FASN: variants seen among roughly 807,000 people sequenced by gnomAD.
The protein encoded by FASN is fatty acid synthase.
Under a neutral mutation model 250.0 loss-of-function variants are expected in FASN, and 50 were observed. The ratio of observed to expected loss-of-function variants is 0.20; its 90% CI spans 0.16 to 0.25. The LOEUF is 0.25. Among genes scored for constraint, FASN ranks in the 10% least tolerant of loss-of-function variants. The pLI is 1.00. For synonymous variants in FASN, 1,909 were observed against 1,584.0 expected (o/e 1.21, Z -4.87); for missense variants, 3,031 against 3,498.5 (o/e 0.87, Z 3.37).
chr17:82,092,139 C>A (rs1598582864), intron 8 of FASN, among the ~76,000 whole-genome samples: 2 of 152,138 alleles, frequency 1.3e-5, no homozygotes, highest in South Asian at 2.1e-4. Flanking sequence ...CCTGATGGTG[C>A]CGTGGACCCC....
Position 82,087,781 on chromosome 17 carries a change from G to C in FASN, c.2947C>G (p.Leu983Val). 1 of 1,612,638 alleles carries C rather than the reference G, an allele frequency of 6.2e-7. No individual in the cohort carries two copies. ...ESPTPNPTEP[L>V]FLAQAEVYKE... is the part of the protein sequence containing the mutation. The stretch of plus-strand genomic sequence containing the variant: ...TAAACTTCAGCCTGGGCCAGGAAGA[G>C]GGGCTCCGTGGGGTTGGGGGTGGGG... The change falls in exon 19 of 43, where the codon CTC (leucine) becomes GTC (valine). Residue 983 changes from leucine (L) to valine (V), a missense_variant. By Grantham distance (32) the Leu-to-Val change is conservative. Coordinates refer to ENST00000306749, the MANE Select transcript of FASN (RefSeq NM_004104.5).
At position 82,079,389 on chromosome 17, in the gene FASN, C is replaced by G; in HGVS notation, c.7366G>C (p.Glu2456Gln). The change falls in exon 42 of 43, where the codon GAG becomes CAG. Residue 2456 changes from glutamate to glutamine, a missense_variant. Physicochemically the swap from Glu to Gln is conservative, Grantham distance 29. Transcript: ENST00000306749. ...LRAKTGGAYGEDLGADYNLSQ... is the reference protein window; with the variant it reads ...LRAKTGGAYGQDLGADYNLSQ... ...AGGTTGTAGTCCGCGCCCAGGTCCT[C>G]GCCGTAGGCGCCACCCGTCTTGGCG... The G allele has an allele frequency of 6.2e-7, 1 of 1,613,004 alleles. No individual in the cohort carries two copies. The highest frequency in any genetic ancestry group is 8.5e-7 in the Non-Finnish European group (1 of 1,179,998).
rs1392240659 is a variant in FASN at position 82,090,960 on chromosome 17, C to T, written c.1602G>A (p.Val534=). The change falls in exon 10 of 43, where the codon GTG becomes GTA. Residue 534 remains valine, a synonymous_variant. Transcript: ENST00000306749. ...DEAVKPFGLK[V]SQLLLSTDES... ...CGTCTGTGCTCAGCAGCAGCTGTGA[C>T]ACCTTCAGGCCGAATGGCTTCACAG... 6.2e-7 allele frequency: 1 copy of T among 1,612,908 alleles called. No individual in the cohort carries two copies. The highest frequency in any genetic ancestry group is 8.5e-7 in the Non-Finnish European group (1 of 1,179,966).
In FASN at chr17:82,081,300, G is replaced by C; in HGVS notation, c.6459C>G (p.Gly2153=). Residue 2153 remains glycine, a synonymous_variant, in exon 38 of 43, where the codon GGC becomes GGG. Transcript: ENST00000306749. ...VNLDSSLADL[G]LDSLMSVEVR... is the part of the protein sequence containing the mutation. ...CCTCCACGCTCATGAGCGAGTCCAG[G>C]CCCAGGTCCGCCAGTGAGCTGTCCA... The C allele has an allele frequency of 6.4e-7, 1 of 1,557,820 alleles. No homozygotes were observed. The highest frequency in any genetic ancestry group is 8.7e-7 in the Non-Finnish European group (1 of 1,150,912).
chr17:82,093,891 G>A (rs927223264), intron 3 of FASN, 120 bp from the exon 4 acceptor site: 4 of 1,055,864 alleles, frequency 3.8e-6, no homozygotes, highest in Admixed American at 2.0e-5. Flanking sequence ...GTGAGGGGGG[G>A]TCCATCCCAG....
intron 10 of FASN, 94 bp downstream of exon 10, chr17:82,090,788 G>C: frequency 6.9e-7 from 1 of 1,443,918 alleles, no homozygotes; most frequent in Non-Finnish European, 9.5e-7. Context: ...GGGGCTGTCA[G>C]GGGCCCCGGA....
chr17:82,097,941 G>C (rs1254376510), intron 1 of FASN, among the ~76,000 whole-genome samples, 180 bp downstream of exon 1: 1 of 152,014 alleles, frequency 6.6e-6, no homozygotes, highest in Non-Finnish European at 1.5e-5. Flanking sequence ...GCGGGGCCCC[G>C]GGCGCCTCCG....
chr17:82,080,808 A>C lies in FASN; in HGVS notation c.6710T>G (p.Val2237Gly). ...GAACAGGGGCCGCTCCGAGCTCTGC[A>C]CGGAGTTGAGCCGCATCAGGGTGGG... is the stretch of plus-strand genomic sequence containing the variant. Reference protein sequence around the residue: ...EGPTLMRLNSVQSSERPLFLV... With the variant: ...EGPTLMRLNSGQSSERPLFLV... Residue 2237 changes from valine (V) to glycine (G), a missense_variant, in exon 39 of 43, where the codon GTG becomes GGG. Coordinates refer to ENST00000306749, the MANE Select transcript of FASN (RefSeq NM_004104.5). 3.1e-6 allele frequency: 5 copies of C among 1,608,714 alleles called. No homozygotes were observed. The highest frequency in any genetic ancestry group is 4.2e-6 in the Non-Finnish European group (5 of 1,178,576).
Position 82,087,289 on chromosome 17 carries a change from G to C in FASN, c.3223+36C>G, listed in dbSNP as rs544033659. On this transcript the variant is annotated intron_variant, in intron 20 of 42. Coordinates refer to ENST00000306749, the MANE Select transcript of FASN (RefSeq NM_004104.5). ...AGGCTGGGTGAGTGCGGCATACTTG[G>C]GTGGGGGCACTGGGCTGGGGCTGGG... 1.1e-5 allele frequency: 18 copies of C among 1,606,126 alleles called. No homozygotes were observed. The South Asian group carries it at 1.8e-4, about 16-fold the overall frequency.
At chr17:82,096,886 G>A (rs1023203710) in intron 1 of FASN, 2 of 293,634 alleles carry the variant, frequency 6.8e-6, no homozygotes, top group East Asian at 8.9e-5. Flanking sequence ...CCTGAGATGG[G>A]GACAAGGCCT....
In FASN at chr17:82,078,798, C is replaced by T; in HGVS notation, c.*345G>A. On this transcript the variant is annotated 3_prime_UTR_variant, in exon 43 of 43. Transcript: ENST00000306749. This position sits in a 1 kb window ranked among gnomAD's most constrained non-coding sequence, Gnocchi z 5.4. ...TGGCAGGGTGGACAGGCCTGGGGGT[C>T]TCTACCAGCAATGCAATAAATATGC... 2.5e-6 allele frequency: 1 copy of T among 393,960 alleles called. No individual in the cohort carries two copies. The highest frequency in any genetic ancestry group is 5.9e-5 in the East Asian group (1 of 16,948). 24.4% of individuals were successfully genotyped at this position (393,960 alleles called of 1,614,324 possible).
intron 42 of FASN, 26 bp from the exon 43 acceptor site, chr17:82,079,306 T>C (rs777544073): frequency 3.1e-6 from 5 of 1,612,964 alleles, no homozygotes; most frequent in Non-Finnish European, 3.4e-6. Flanking sequence ...TCAGCTGCCG[T>C]CCCACCCCAC....
rs747407369 is a variant in FASN, at chr17:82,081,786, C to T, written c.6221G>A (p.Ser2074Asn). Reference protein sequence around the residue: ...GDVGILVETMSTNDTIVSGTL... With the variant: ...GDVGILVETMNTNDTIVSGTL... ...GCCACTGACGATCGTGTCGTTGGTG[C>T]TCATCGTCTCCACCAAAATGCCCAC... Residue 2074 changes from serine (S) to asparagine (N), a missense_variant, in exon 37 of 43, where the codon AGC (serine) becomes AAC (asparagine). Coordinates refer to ENST00000306749, the MANE Select transcript of FASN (RefSeq NM_004104.5). 2 of 1,612,424 alleles carry T rather than the reference C, an allele frequency of 1.2e-6. No homozygotes were observed. The highest frequency in any genetic ancestry group is 1.7e-6 in the Non-Finnish European group (2 of 1,179,950).
rs1351174939 is a variant in FASN, at chr17:82,081,207, G to A, written c.6552C>T (p.Leu2184=). 1.3e-6 allele frequency: 2 copies of A among 1,594,544 alleles called. No individual in the cohort carries two copies. Among genetic ancestry groups the A allele is most frequent in the Non-Finnish European group, 1.7e-6 (2 of 1,171,616 alleles). The change falls in exon 38 of 43, where the codon CTC becomes CTT. Residue 2184 remains leucine (L), a synonymous_variant. Transcript: ENST00000306749. ...TTGAGGACAGCTCCTGCAGTTTCCG[G>A]AGCGTGAGTTGCCGCACCTCGCGCA... ...LSVREVRQLT[L]RKLQELSSKA...
rs747631706 is a variant in FASN at position 82,092,891 on chromosome 17, G to A, written c.778+6C>T. ...CCCAGCACCCCGGAACCCCGGCAGA[G>A]CCCACCTTGCTCCTTGAAGCCATCT... On this transcript the variant is annotated splice_donor_region_variant and intron_variant, in intron 6 of 42. Coordinates refer to ENST00000306749, the MANE Select transcript of FASN (RefSeq NM_004104.5). 29 of 1,598,976 alleles carry A rather than the reference G, an allele frequency of 1.8e-5. 1 individual carries two copies. The highest frequency in any genetic ancestry group is 2.2e-5 in the South Asian group (2 of 89,070).
chr17:82,091,705 T>C (rs2034213021), intron 8 of FASN, 21 bp from the exon 9 acceptor site: 1 of 1,545,486 alleles, frequency 6.5e-7, no homozygotes, highest in Non-Finnish European at 8.7e-7. Context: ...ACGTGGTGGA[T>C]GGGCAGCCGC....
chr17:82,079,670 A>G (rs1489401049), intron 41 of FASN, 62 bp from the exon 42 acceptor site: 1 of 1,551,518 alleles, frequency 6.4e-7, no homozygotes, highest in East Asian at 2.3e-5. Context: ...GCCCTGTGCT[A>G]CACTGCGGGT....
In FASN at chr17:82,081,386, G is replaced by C. The variant is rs1377495927; in HGVS notation, c.6407-34C>G. 3.2e-6 allele frequency: 5 copies of C among 1,559,720 alleles called. No homozygotes were observed. In the African/African-American group the frequency reaches 5.4e-5, roughly 17 times the overall value. ...GATGCGCCGGGTCGGCAACTCCAGAGGGGGCATGGGGACGGCCTGTATGCG... is the reference window on the plus strand; with the variant it reads ...GATGCGCCGGGTCGGCAACTCCAGACGGGGCATGGGGACGGCCTGTATGCG... On this transcript the variant is annotated intron_variant, in intron 37 of 42. Transcript: ENST00000306749.
chr17:82,082,782 G>T, intron 33 of FASN, 104 bp from the exon 34 acceptor site: 1 of 1,550,568 alleles, frequency 6.4e-7, no homozygotes. Flanking sequence ...CATCCAGCAA[G>T]CCCCCCACAA....
Sources: allele counts gnomAD v4.1 joint callset (sites outside exome capture counted in the v4.1 genomes callset), GRCh38; gene constraint gnomAD v4.1.1; non-coding constraint Gnocchi (gnomAD v3.1); transcripts MANE v1.5; gene names NCBI Gene and HGNC (gene_info 2026-07-23, HGNC 2026-07-21).